PKD1L3: variants seen among roughly 807,000 people sequenced by gnomAD.
The protein encoded by PKD1L3 is polycystin-1-like protein 3.
PKD1L3 carries 239 observed loss-of-function variants against 184.1 expected under a neutral mutation model. That is an observed-to-expected ratio of 1.30 (90% CI 1.17 to 1.45). The LOEUF (loss-of-function observed/expected upper bound fraction) is 1.45. Ranked by LOEUF, PKD1L3 falls within the 40% of genes most tolerant of loss-of-function variation. The pLI is 0.00. For synonymous variants in PKD1L3, 996 were observed against 778.8 expected, an observed-to-expected ratio of 1.28 and a Z score of -4.64; for missense variants, 2,660 against 2,067.2, an observed-to-expected ratio of 1.29 and a Z score of -5.56.
intron 13 of PKD1L3, 25 bp downstream of exon 13, chr16:71,969,850 T>C: frequency 6.6e-7 from 1 of 1,523,602 alleles, no homozygotes; most frequent in Non-Finnish European, 8.9e-7. Context: ...TCATGGCAAA[T>C]CTGTTGAAAT....
Position 71,929,658 on chromosome 16 carries a change from A to G in PKD1L3, c.5079T>C (p.Asp1693=). The G allele has an allele frequency of 6.4e-7, 1 of 1,550,754 alleles. No individual in the cohort carries two copies. The highest frequency in any genetic ancestry group is 2.0e-5 in the Admixed American group (1 of 50,700). ...AATTTGAGAGCTTCTGTAGCAGTGTATCTATTAGTGCAGCTTCTTTCTGAG... is the reference window on the plus strand; with the variant it reads ...AATTTGAGAGCTTCTGTAGCAGTGTGTCTATTAGTGCAGCTTCTTTCTGAG... ...KSLKKEAALI[D]TLLQKLSNLL... is the part of the protein sequence containing the mutation. The change falls in exon 30 of 30, where the codon GAT becomes GAC. Residue 1693 remains aspartate, a synonymous_variant. Transcript: ENST00000620267.
intron 7 of PKD1L3, among the ~76,000 whole-genome samples, chr16:71,980,438 T>C (rs2040105021): frequency 1.3e-5 from 2 of 152,276 alleles, no homozygotes; most frequent in African/African-American, 2.4e-5. Flanking sequence ...CTTTCACATA[T>C]ACAGTTCATC....
rs1438925204 is a variant in PKD1L3 at position 71,952,878 on chromosome 16, T to A, written c.3009+16A>T. On this transcript the variant is annotated intron_variant, in intron 18 of 29. Coordinates refer to ENST00000620267, the MANE Select transcript of PKD1L3 (RefSeq NM_181536.2). ...GCAATAAAATAAGATAAAATAAAAT[T>A]TGATACCAATCTTACCTCAACTACC... The A allele has an allele frequency of 2.6e-6, 4 of 1,525,532 alleles. No homozygotes were observed. The highest frequency in any genetic ancestry group is 4.5e-5 in the Admixed American group (2 of 44,276). 94.5% of individuals were successfully genotyped at this position (1,525,532 alleles called of 1,614,324 possible). A position where few individuals can be genotyped will look rare whatever the true frequency, so the allele number is the denominator to read the frequency against.
At chr16:71,998,462 A>G (rs1444247464) in intron 1 of PKD1L3, 68 bp from the exon 2 acceptor site, 2 of 1,502,876 alleles carry the variant, frequency 1.3e-6, no homozygotes, top group East Asian at 4.9e-5. Context: ...ATTTTTTATT[A>G]TTGTTTTTGA....
At chr16:71,978,776 G>C (rs1396017691) in intron 9 of PKD1L3, among the ~76,000 whole-genome samples, 1 of 151,974 alleles carries the variant, frequency 6.6e-6, no homozygotes, top group Non-Finnish European at 1.5e-5. Flanking sequence ...CTGGCTTCAA[G>C]TAATCCACCT....
chr16:71,952,195 A>ATTTTT lies in PKD1L3; in HGVS notation c.3010-456_3010-452dup, dbSNP rs34849069. Among the ~76,000 whole-genome samples, 15 of 50,822 alleles carry ATTTTT rather than the reference A, an allele frequency of 3.0e-4. 1 individual carries two copies. Among genetic ancestry groups the ATTTTT allele is most frequent in the South Asian group, 1.2e-3 (1 of 850 alleles). 33.3% of individuals were successfully genotyped at this position (50,822 alleles called of 152,430 possible). Reference sequence around the variant, plus strand: ...ACTGCGTGGGGAAAGGGAGCATGTCATTTTTTTTTTTTTTTTTTTTTTTTT... The same window carrying ATTTTT: ...ACTGCGTGGGGAAAGGGAGCATGTCATTTTTTTTTTTTTTTTTTTTTTTTTTTTTT... On this transcript the variant is annotated intron_variant, in intron 18 of 29. Coordinates refer to ENST00000620267, the MANE Select transcript of PKD1L3 (RefSeq NM_181536.2).
chr16:71,982,131 G>C lies in PKD1L3; in HGVS notation c.1071C>G (p.Pro357=), dbSNP rs746557276. ...TGGTGACATTGTTGAGGGAATGAAA[G>C]GGGCAGACAGTTGGAGGAACTTTGA... The part of the protein sequence containing the change: ...LGFKVPPTVC[P]FHSLNNVTKA... Residue 357 remains proline, a synonymous_variant, in exon 7 of 30, where the codon CCC becomes CCG. Transcript: ENST00000620267. 1 of 1,552,048 alleles carries C rather than the reference G, an allele frequency of 6.4e-7. No individual in the cohort carries two copies. Among genetic ancestry groups the C allele is most frequent in the Non-Finnish European group, 8.7e-7 (1 of 1,147,064 alleles).
At chr16:71,997,120 G>T (rs1319276719) in intron 2 of PKD1L3, among the ~76,000 whole-genome samples, 4 of 152,118 alleles carry the variant, frequency 2.6e-5, no homozygotes, top group Non-Finnish European at 4.4e-5. Context: ...CTAGACCACA[G>T]TGGTTTAATC....
chr16:71,934,129 C>T lies in PKD1L3; in HGVS notation c.4614-4G>A, dbSNP rs2038091383. ...TGCCTCATAGAAGCTGATGAATCTG[C>T]ACCAAGGAAAGCTGACAGTTACTCA... is the stretch of plus-strand genomic sequence containing the variant. On this transcript the variant is annotated splice_region_variant and splice_polypyrimidine_tract_variant and intron_variant, in intron 26 of 29. Coordinates refer to ENST00000620267, the MANE Select transcript of PKD1L3 (RefSeq NM_181536.2). 6.4e-7 allele frequency: 1 copy of T among 1,551,680 alleles called. No individual in the cohort carries two copies. Among genetic ancestry groups the T allele is most frequent in the Middle Eastern group, 1.7e-4 (1 of 5,996 alleles).
intron 3 of PKD1L3, among the ~76,000 whole-genome samples, chr16:71,992,792 TTC>T (rs1477238684): frequency 9.2e-5 from 14 of 152,228 alleles, no homozygotes; most frequent in African/African-American, 3.4e-4. Context: ...TCTGTTTCAC[TTC>T]TTTCTTTCAG....
intron 11 of PKD1L3, 117 bp from the exon 12 acceptor site, chr16:71,973,634 G>C: frequency 2.1e-6 from 2 of 953,858 alleles, no homozygotes; most frequent in South Asian, 1.8e-5. Context: ...TGAAACTAGA[G>C]TCACAAATGA....
intron 12 of PKD1L3, among the ~76,000 whole-genome samples, chr16:71,971,018 G>A (rs557660803): frequency 1.9e-4 from 29 of 152,276 alleles, no homozygotes; most frequent in African/African-American, 5.5e-4. Flanking sequence ...TGAGGCGATT[G>A]TCTTGTTCAC....
chr16:71,945,480 A>G (rs1029299985), intron 22 of PKD1L3, among the ~76,000 whole-genome samples: 1 of 150,518 alleles, frequency 6.6e-6, no homozygotes, highest in Non-Finnish European at 1.5e-5. Flanking sequence ...GGAGTTCAAG[A>G]CCAGCCTGGC....
chr16:71,934,447 C>G (rs898013672), intron 26 of PKD1L3, among the ~76,000 whole-genome samples: 6 of 152,154 alleles, frequency 3.9e-5, no homozygotes, highest in African/African-American at 1.4e-4. Context: ...CTGCTCTGAG[C>G]CAAATCTCTC....
At chr16:71,960,423 A>C (rs539169905) in intron 16 of PKD1L3, among the ~76,000 whole-genome samples, 8 of 152,262 alleles carry the variant, frequency 5.3e-5, no homozygotes, top group African/African-American at 1.7e-4. Context: ...AAAGGGCTGA[A>C]AGTAAAAAGA....
chr16:71,960,417 G>C (rs188574654), intron 16 of PKD1L3, among the ~76,000 whole-genome samples: 1 of 151,794 alleles, frequency 6.6e-6, no homozygotes, highest in African/African-American at 2.4e-5. Context: ...CCATAAAAAG[G>C]GCTGAAAGTA....
At chr16:71,956,184 ATTTTTTTTTTTT>A (rs35268514) in intron 16 of PKD1L3, among the ~76,000 whole-genome samples, 7 of 82,766 alleles carry the variant, frequency 8.5e-5, no homozygotes, top group Admixed American at 3.5e-4. Context: ...AAAGGAAGGA[ATTTTTTTTTTTT>A]TTTTTTTTTT....
chr16:71,938,009 C>A (rs559058672), intron 24 of PKD1L3, among the ~76,000 whole-genome samples: 1 of 152,174 alleles, frequency 6.6e-6, no homozygotes, highest in Non-Finnish European at 1.5e-5. Flanking sequence ...TGTTGAGCTG[C>A]GGGAGCCAGT....
chr16:71,949,468 T>TA (rs1399025869), intron 21 of PKD1L3, among the ~76,000 whole-genome samples: 1 of 151,762 alleles, frequency 6.6e-6, no homozygotes, highest in Non-Finnish European at 1.5e-5. Flanking sequence ...CCTCCCACCT[T>TA]AGACTCCTAA....
Sources: gnomAD v4.1 joint callset for allele counts (sites outside exome capture counted in the v4.1 genomes callset) on GRCh38, gnomAD v4.1.1 for gene constraint, MANE v1.5 for transcripts, NCBI Gene and HGNC (gene_info 2026-07-23, HGNC 2026-07-21) for gene names.